The following RIMBP2 variants were observed in gnomAD, a reference collection of about 807,000 sequenced individuals.
RIMBP2 encodes the protein RIMS-binding protein 2.
RIMBP2 carries 48 observed loss-of-function variants against 118.6 expected under a neutral mutation model. The ratio of observed to expected loss-of-function variants is 0.40; its 90% CI spans 0.32 to 0.51. The LOEUF is 0.51. Among genes scored for constraint, RIMBP2 ranks in the 20% least tolerant of loss-of-function variants. The pLI is 0.41. For missense variants in RIMBP2, 1,551 were observed against 1,768.3 expected (o/e 0.88, Z 2.20); for synonymous variants, 762 against 742.9 (o/e 1.03, Z -0.42).
At chr12:130,596,097 GCCATTTCAGA>G (rs961082178) in intron 2 of RIMBP2, among the ~76,000 whole-genome samples, 6 of 152,094 alleles carry the variant, frequency 3.9e-5, no homozygotes, top group Admixed American at 1.3e-4. Context: ...TTTCTAGGAG[GCCATTTCAGA>G]CCTTCCCTTT....
chr12:130,629,791 C>T (rs1311482763), intron 1 of RIMBP2, among the ~76,000 whole-genome samples: 1 of 152,154 alleles, frequency 6.6e-6, no homozygotes, highest in Non-Finnish European at 1.5e-5. Context: ...TCAGCTCCCT[C>T]ACAGCTACCC....
intron 1 of RIMBP2, among the ~76,000 whole-genome samples, chr12:130,694,032 T>C (rs1462102332): frequency 6.6e-6 from 1 of 152,208 alleles, no homozygotes; most frequent in African/African-American, 2.4e-5. Context: ...CGAACTTCCA[T>C]GCCATAAGAA....
At chr12:130,481,611 G>A (rs1053677181) in intron 4 of RIMBP2, among the ~76,000 whole-genome samples, 8 of 152,138 alleles carry the variant, frequency 5.3e-5, no homozygotes, top group African/African-American at 1.7e-4. Context: ...CCCGGGATCC[G>A]GAGAAAATGG....
chr12:130,427,865 A>G, intron 15 of RIMBP2: 1 of 244,904 alleles, frequency 4.1e-6, no homozygotes, highest in Non-Finnish European at 7.7e-6. Context: ...ATGAGACTTA[A>G]GGCTGTGGAG....
chr12:130,424,222 TC>T lies in RIMBP2; in HGVS notation c.3048del (p.Trp1016Ter). Reference sequence around the variant, plus strand: ...CTGTCGGGCATGGTTATGCTTTTCTTCCAGACACCCCGAAAATCTTGGTGCT... The same window carrying T: ...CTGTCGGGCATGGTTATGCTTTTCTTCAGACACCCCGAAAATCTTGGTGCT... Reference protein sequence around the residue: ...PTEHQDFRGVWKKSITMPDSR... With the variant: ...PTEHQDFRGVXKKSITMPDSR... On this transcript the variant is annotated frameshift_variant, in exon 16 of 23. Transcript: ENST00000690449. LOFTEE classifies it high-confidence loss of function. This position sits in a 1 kb window ranked among gnomAD's most constrained non-coding sequence, Gnocchi z 9.8. The T allele has an allele frequency of 8.1e-7, 1 of 1,231,746 alleles. No individual in the cohort carries two copies. Among genetic ancestry groups the T allele is most frequent in the Non-Finnish European group, 1.0e-6 (1 of 987,884 alleles). The allele number at this position is 1,231,746 out of a possible 1,614,324, so 76.3% of individuals were successfully genotyped here.
rs2077124060 is a variant in RIMBP2 at position 130,431,152 on chromosome 12, A to G, written c.2254-2815T>C. 6.6e-6 allele frequency among the ~76,000 whole-genome samples: 1 copy of G among 152,328 alleles called. No homozygotes were observed. Among genetic ancestry groups the G allele is most frequent in the African/African-American group, 2.4e-5 (1 of 41,568 alleles). On this transcript the variant is annotated intron_variant, in intron 14 of 22. Coordinates refer to ENST00000690449, the MANE Select transcript of RIMBP2 (RefSeq NM_001393629.1). The surrounding 1 kb of genome is among the most constrained non-coding windows in gnomAD (Gnocchi z 4.0). ...CAGAGCAAATGTCCCAGCTACTCTCAGCCTCCCTTCTTTCATTCATTCATT... is the reference window on the plus strand; with the variant it reads ...CAGAGCAAATGTCCCAGCTACTCTCGGCCTCCCTTCTTTCATTCATTCATT...
chr12:130,674,267 TAA>T (rs1450244132), intron 1 of RIMBP2, among the ~76,000 whole-genome samples: 1 of 152,192 alleles, frequency 6.6e-6, no homozygotes, highest in South Asian at 2.1e-4. Context: ...TCCGCCACGA[TAA>T]AAAGTTTCTT....
chr12:130,556,318 G>A (rs58022716), intron 2 of RIMBP2, among the ~76,000 whole-genome samples: 6,097 of 152,258 alleles, frequency 0.04, 396 homozygotes, highest in African/African-American at 0.14. Flanking sequence ...AATGGATCAA[G>A]GTGGTTTCTA....
intron 19 of RIMBP2, 77 bp downstream of exon 19, chr12:130,412,542 A>C (rs1593206844): frequency 2.9e-6 from 4 of 1,361,010 alleles, no homozygotes; most frequent in Non-Finnish European, 4.1e-6. Context: ...TCTCCTCATC[A>C]CCGCCTGCCT....
rs780052862 is a variant in RIMBP2 at position 130,450,207 on chromosome 12, G to A, written c.574C>T (p.Arg192Cys). Residue 192 changes from arginine to cysteine, a missense_variant, in exon 9 of 23, where the codon CGC becomes TGC. By Grantham distance (180) the Arg-to-Cys change is radical (BLOSUM62 -3). This residue lies in a region of RIMBP2 where 239 missense variants were observed against 256.8 expected (regional missense o/e 0.93). Transcript: ENST00000690449. This position sits in a 1 kb window ranked among gnomAD's most constrained non-coding sequence, Gnocchi z 4.8. ...YSGKVHLCVARYSYNPFDGPN... is the reference protein window; with the variant it reads ...YSGKVHLCVACYSYNPFDGPN... ...CCGAGGGGCCGCACTTACCTATAGC[G>A]GGCAACACAGAGGTGGACCTTCCCC... The A allele has an allele frequency of 8.7e-6, 14 of 1,605,436 alleles. No individual in the cohort carries two copies. Among genetic ancestry groups the A allele is most frequent in the Non-Finnish European group, 6.8e-6 (8 of 1,175,042 alleles).
chr12:130,658,988 TCCTCCACCATGCCAGCCTCCCTC>T (rs1241748932), intron 1 of RIMBP2, among the ~76,000 whole-genome samples: 4 of 150,878 alleles, frequency 2.7e-5, no homozygotes, highest in Non-Finnish European at 5.9e-5. Context: ...CAACCTCCCT[TCCTCCACCATGCCAGCCTCCCTC>T]CCTCCACCAT....
intron 20 of RIMBP2, among the ~76,000 whole-genome samples, chr12:130,406,713 C>G (rs2075209388): frequency 6.6e-6 from 1 of 152,098 alleles, no homozygotes; most frequent in Non-Finnish European, 1.5e-5. Flanking sequence ...GCAGTGCAAC[C>G]TCGGCCCACT....
rs906155697 is a variant in RIMBP2, at chr12:130,617,558, T to C, written c.-217+10764A>G. 1.3e-5 allele frequency among the ~76,000 whole-genome samples: 2 copies of C among 152,180 alleles called. No homozygotes were observed. Among genetic ancestry groups the C allele is most frequent in the African/African-American group, 4.8e-5 (2 of 41,444 alleles). On this transcript the variant is annotated intron_variant, in intron 2 of 22. Transcript: ENST00000690449. The surrounding 1 kb of genome is among the most constrained non-coding windows in gnomAD (Gnocchi z 4.6). The stretch of plus-strand genomic sequence containing the variant: ...AGCTTTAGATACTGCTAGAAGCTGC[T>C]TAGTGGGAGGTATTGAGAAGGGCCT...
chr12:130,494,652 G>GA lies in RIMBP2; in HGVS notation c.-4+11995dup, dbSNP rs1449547399. 9.2e-5 allele frequency among the ~76,000 whole-genome samples: 10 copies of GA among 108,566 alleles called. No homozygotes were observed. In the East Asian group the frequency reaches 2.0e-3, roughly 22 times the overall value. The allele number at this position is 108,566 out of a possible 152,430, so 71.2% of individuals were successfully genotyped here. On this transcript the variant is annotated intron_variant, in intron 4 of 22. Transcript: ENST00000690449. ...AAACCCTGTCTCAAAAAAAAAAAAA[G>GA]AAAGAAAAGAAAAGAAAGAGCAAAG...
At chr12:130,592,327 C>T (rs80323598) in intron 2 of RIMBP2, among the ~76,000 whole-genome samples, 1,575 of 152,228 alleles carry the variant, frequency 0.01, 34 homozygotes, top group African/African-American at 0.036. Flanking sequence ...AGAAGGGGAA[C>T]GAAATAGTGG....
In RIMBP2 at chr12:130,442,480, T is replaced by C. The variant is rs2137178585; in HGVS notation, c.872A>G (p.Asp291Gly). Residue 291 changes from aspartate (D) to glycine (G), a missense_variant, in exon 11 of 23, where the codon GAT (aspartate) becomes GGT (glycine). Transcript: ENST00000690449. The surrounding 1 kb of genome is among the most constrained non-coding windows in gnomAD (Gnocchi z 6.9). Reference sequence around the variant, plus strand: ...GGCACTGTTGTCGGTGATGCCCGCATCTATGTGGGTTGGGGAGTGGAGGTC... The same window carrying C: ...GGCACTGTTGTCGGTGATGCCCGCACCTATGTGGGTTGGGGAGTGGAGGTC... ...ILDLHSPTHI[D>G]AGITDNSAGT... 1 of 1,614,168 alleles carries C rather than the reference T, an allele frequency of 6.2e-7. No homozygotes were observed. Among genetic ancestry groups the C allele is most frequent in the East Asian group, 2.2e-5 (1 of 44,874 alleles).
At chr12:130,571,031 A>C (rs1414657043) in intron 2 of RIMBP2, among the ~76,000 whole-genome samples, 1 of 152,170 alleles carries the variant, frequency 6.6e-6, no homozygotes, top group African/African-American at 2.4e-5. Flanking sequence ...TTATGGCAGG[A>C]ACTGAGAAAA....
chr12:130,477,213 G>A (rs566568631), intron 5 of RIMBP2, among the ~76,000 whole-genome samples: 26 of 152,306 alleles, frequency 1.7e-4, no homozygotes, highest in Admixed American at 3.9e-4. Flanking sequence ...GATCGTGGAC[G>A]CGGAATAACA....
chr12:130,563,794 C>G (rs1354463396), intron 2 of RIMBP2, among the ~76,000 whole-genome samples: 1 of 152,238 alleles, frequency 6.6e-6, no homozygotes. Context: ...ACCCTCTCCA[C>G]CAACCCAGCA....
Sources: allele counts gnomAD v4.1 joint callset (sites outside exome capture counted in the v4.1 genomes callset), GRCh38; gene constraint gnomAD v4.1.1; regional missense constraint gnomAD v4.1.1; non-coding constraint Gnocchi (gnomAD v3.1); transcripts MANE v1.5; gene names NCBI Gene and HGNC (gene_info 2026-07-23, HGNC 2026-07-21).